EHBP1: variants seen among roughly 807,000 people sequenced by gnomAD.
The protein encoded by EHBP1 is EH domain-binding protein 1.
In EHBP1, 55 loss-of-function variants were observed where a neutral mutation model predicts 144.0. The ratio of observed to expected loss-of-function variants is 0.38; its 90% CI spans 0.31 to 0.48. The LOEUF (loss-of-function observed/expected upper bound fraction) is 0.48. EHBP1 is among the 20% of genes least tolerant of loss of function. The pLI, the probability that EHBP1 is intolerant of heterozygous loss-of-function variation, is 0.98. For missense variants in EHBP1, 1,200 were observed against 1,364.2 expected (o/e 0.88, Z 1.90); for synonymous variants, 469 against 472.7 (o/e 0.99, Z 0.10).
chr2:62,787,375 C>A (rs2042877633), intron 5 of EHBP1, among the ~76,000 whole-genome samples: 1 of 150,332 alleles, frequency 6.7e-6, no homozygotes, highest in Non-Finnish European at 1.5e-5. Context: ...CCTCCTGCAC[C>A]ACCCCACACT....
At chr2:62,885,239 T>G (rs528036141) in intron 10 of EHBP1, among the ~76,000 whole-genome samples, 2 of 152,214 alleles carry the variant, frequency 1.3e-5, no homozygotes, top group East Asian at 3.9e-4. Flanking sequence ...AGACTAGAAT[T>G]TAAACAAAGT....
chr2:62,902,434 T>C, intron 10 of EHBP1, among the ~76,000 whole-genome samples: 1 of 152,202 alleles, frequency 6.6e-6, no homozygotes, highest in Non-Finnish European at 1.5e-5. Context: ...TTTGTAATTG[T>C]GATGAAATTA....
At chr2:62,940,236 C>T (rs934586199) in intron 10 of EHBP1, 11 of 313,070 alleles carry the variant, frequency 3.5e-5, no homozygotes, top group South Asian at 7.1e-5. Context: ...TAGATTTATT[C>T]GGTCAGTATT....
At chr2:62,903,160 G>A (rs186365185) in intron 10 of EHBP1, among the ~76,000 whole-genome samples, 1 of 152,248 alleles carries the variant, frequency 6.6e-6, no homozygotes, top group East Asian at 1.9e-4. Flanking sequence ...AGAGGGTTTA[G>A]TGGGCAAATT....
intron 14 of EHBP1, chr2:62,964,820 C>G (rs1396721369): frequency 4.6e-5 from 7 of 152,622 alleles, no homozygotes. Flanking sequence ...TAAACCACAT[C>G]CCGTTAATTT....
intron 2 of EHBP1, among the ~76,000 whole-genome samples, chr2:62,744,843 G>T (rs1193725709): frequency 6.6e-6 from 1 of 151,998 alleles, no homozygotes; most frequent in Non-Finnish European, 1.5e-5. Context: ...CACTCTCATT[G>T]CCATCACAGG....
chr2:62,821,807 T>G (rs2046001073), intron 5 of EHBP1, among the ~76,000 whole-genome samples: 1 of 152,196 alleles, frequency 6.6e-6, no homozygotes, highest in African/African-American at 2.4e-5. Context: ...GTGGTGAAAT[T>G]ATCTAAATGC....
chr2:62,959,116 G>T (rs1340979981), intron 14 of EHBP1, among the ~76,000 whole-genome samples: 1 of 152,120 alleles, frequency 6.6e-6, no homozygotes, highest in Non-Finnish European at 1.5e-5. Flanking sequence ...CATATAAGTG[G>T]AATCGCGCAG....
intron 10 of EHBP1, among the ~76,000 whole-genome samples, chr2:62,917,901 CT>C (rs869278156): frequency 3.6e-3 from 508 of 140,990 alleles, no homozygotes; most frequent in Middle Eastern, 7.3e-3. Flanking sequence ...TGTGTTCCTT[CT>C]TTTTTTTTTT....
intron 7 of EHBP1, among the ~76,000 whole-genome samples, chr2:62,840,052 C>A (rs1243999681): frequency 1.3e-5 from 2 of 152,006 alleles, no homozygotes; most frequent in African/African-American, 2.4e-5. Flanking sequence ...GCCAAAAGAA[C>A]AAAGCTGGAG....
Position 62,707,064 on chromosome 2 carries a change from C to A in EHBP1, c.-128C>A. 1.5e-6 allele frequency: 1 copy of A among 670,036 alleles called. No homozygotes were observed. Among genetic ancestry groups the A allele is most frequent in the Non-Finnish European group, 2.7e-6 (1 of 374,988 alleles). The allele number at this position is 670,036 out of a possible 1,614,324, so 41.5% of individuals were successfully genotyped here. On this transcript the variant is annotated 5_prime_UTR_variant, in exon 2 of 23. Transcript: ENST00000431489. ...AGGGAGAAGACTTATGGACCCCAAG[C>A]ATCATTTCGAGTTGTAGTTGAGTTT...
chr2:62,990,620 AAT>A, intron 15 of EHBP1, 94 bp from the exon 16 acceptor site: 1 of 1,290,154 alleles, frequency 7.8e-7, no homozygotes, highest in Non-Finnish European at 1.1e-6. Flanking sequence ...TTTCTTTTAA[AAT>A]ATAGTAATAC....
chr2:62,774,011 G>C (rs1337749269), intron 5 of EHBP1, among the ~76,000 whole-genome samples: 2 of 151,918 alleles, frequency 1.3e-5, no homozygotes, highest in Non-Finnish European at 2.9e-5. Context: ...GAGCTCTTCT[G>C]ATCAACTTTA....
At chr2:62,851,695 C>A (rs1268658126) in intron 7 of EHBP1, among the ~76,000 whole-genome samples, 1 of 151,990 alleles carries the variant, frequency 6.6e-6, no homozygotes, top group Non-Finnish European at 1.5e-5. Flanking sequence ...ATGATTTGTG[C>A]TAACATTTAT....
At chr2:62,837,436 A>G (rs1374725622) in intron 7 of EHBP1, among the ~76,000 whole-genome samples, 55 of 151,748 alleles carry the variant, frequency 3.6e-4, no homozygotes, top group African/African-American at 1.0e-3. Context: ...ATCAACTAAC[A>G]AGCAAAATCA....
chr2:62,686,281 A>G lies in EHBP1; in HGVS notation c.-296+12198A>G, dbSNP rs150923540. 4.9e-4 allele frequency among the ~76,000 whole-genome samples: 74 copies of G among 152,328 alleles called. 1 individual carries two copies. Among genetic ancestry groups the G allele is most frequent in the African/African-American group, 1.5e-3 (62 of 41,594 alleles). On this transcript the variant is annotated intron_variant, in intron 1 of 22. Coordinates refer to the EHBP1 transcript ENST00000405015. ...TTGCAACCCATAAATAATATACTGC[A>G]TATCATCTGCATTTTGTCTACTCTT...
intron 2 of EHBP1, among the ~76,000 whole-genome samples, chr2:62,730,865 GACAGGCAGGC>G (rs2037497978): frequency 1.4e-5 from 2 of 142,124 alleles, no homozygotes; most frequent in Non-Finnish European, 1.6e-5. Context: ...CAGACAGGCA[GACAGGCAGGC>G]AGAGAAAGAG....
chr2:62,915,717 AAT>A (rs1491094624), intron 10 of EHBP1, among the ~76,000 whole-genome samples: 10 of 152,118 alleles, frequency 6.6e-5, no homozygotes, highest in African/African-American at 1.9e-4. Context: ...ATTTAAAAAA[AAT>A]TTTTTTTAAA....
chr2:62,799,003 C>CAAAAAAAAAAAAA (rs757731955), intron 5 of EHBP1, among the ~76,000 whole-genome samples: 1 of 76,786 alleles, frequency 1.3e-5, no homozygotes, highest in Non-Finnish European at 2.4e-5. Context: ...GACTCCGTCT[C>CAAAAAAAAAAAAA]AAAAAAAAAA....
Sources: allele counts gnomAD v4.1 joint callset (sites outside exome capture counted in the v4.1 genomes callset), GRCh38; gene constraint gnomAD v4.1.1; transcripts MANE v1.5; gene names NCBI Gene and HGNC (gene_info 2026-07-23, HGNC 2026-07-21).